The following SETD9 variants were observed in gnomAD, a reference collection of about 807,000 sequenced individuals.
SETD9 encodes the protein SET domain containing 9.
A neutral mutation model predicts 36.4 loss-of-function variants in SETD9; 37 were observed. That is an observed-to-expected ratio of 1.02 (90% confidence interval 0.78 to 1.34). The LOEUF is 1.34. Among genes scored for constraint, SETD9 ranks in the 40% most tolerant of loss-of-function variants. The pLI is 0.00. For missense variants in SETD9, 323 were observed against 353.2 expected (o/e 0.91, Z 0.69); for synonymous variants, 128 against 132.9 (o/e 0.96, Z 0.26).
Position 56,909,687 on chromosome 5 carries a change from C to A in SETD9, c.42C>A (p.Arg14=), listed in dbSNP as rs772953306. Residue 14 remains arginine (R), a synonymous_variant, in exon 1 of 6, where the codon CGC becomes CGA. Transcript: ENST00000285947. ...TGCGGGGCCTGTGGCAGCGATGGCG[C>A]CGTTACAAGTACCGCTTCGTTCCCT... ...RLLRGLWQRW[R]RYKYRFVPWI... is the part of the protein sequence containing the mutation. The A allele has an allele frequency of 3.7e-6, 6 of 1,610,120 alleles. No individual in the cohort carries two copies. In the South Asian group the frequency reaches 6.6e-5, roughly 18 times the overall value.
chr5:56,923,167 G>A, intron 5 of SETD9: 2 of 1,614,008 alleles, frequency 1.2e-6, no homozygotes, highest in South Asian at 2.2e-5. Context: ...GCAGAGCATG[G>A]GCACTGATGA....
downstream of SETD9, chr5:56,928,658 T>TTGGC (rs10684065): frequency 0.71 from 487,673 of 690,504 alleles, 174,733 homozygotes; most frequent in Non-Finnish European, 0.75. Flanking sequence ...TGAAATGCTA[T>TTGGC]AAGGGAACAT....
chr5:56,914,851 T>A lies in SETD9; in HGVS notation c.707-10T>A. On this transcript the variant is annotated splice_polypyrimidine_tract_variant and intron_variant, in intron 4 of 5. Coordinates refer to ENST00000285947, the MANE Select transcript of SETD9 (RefSeq NM_153706.4). ...GGCTCTTTTTCTAAAAATGATGTGC[T>A]TGTTCCTAGACAGAGCAGCTAATGT... 1 of 1,547,192 alleles carries A rather than the reference T, an allele frequency of 6.5e-7. No homozygotes were observed. The highest frequency in any genetic ancestry group is 8.8e-7 in the Non-Finnish European group (1 of 1,137,980).
chr5:56,914,085 CAT>C (rs1749302434), intron 4 of SETD9, 96 bp downstream of exon 4: 12 of 796,016 alleles, frequency 1.5e-5, no homozygotes, highest in Non-Finnish European at 2.5e-5. Flanking sequence ...TTGAGTATAA[CAT>C]ATAATAAGCT....
intron 3 of SETD9, among the ~76,000 whole-genome samples, chr5:56,913,586 G>A (rs7717274): frequency 0.021 from 3,251 of 151,922 alleles, 123 homozygotes; most frequent in African/African-American, 0.075. Context: ...GTTTCACCAT[G>A]TTGGCCAGGC....
At chr5:56,925,533 G>A, downstream of SETD9, 2 of 226,446 alleles carry the variant, frequency 8.8e-6, no homozygotes, top group Admixed American at 5.7e-5. Flanking sequence ...TAAAATACTT[G>A]GGTATAAATA....
chr5:56,922,252 A>C (rs1485881292), downstream of SETD9: 1 of 152,564 alleles, frequency 6.6e-6, no homozygotes, highest in Non-Finnish European at 1.5e-5. Context: ...CCTCAGGATA[A>C]ACTAAATTAT....
At chr5:56,923,433 T>G (rs1367042596) in intron 5 of SETD9, 1 of 1,614,156 alleles carries the variant, frequency 6.2e-7, no homozygotes, top group South Asian at 1.1e-5. Flanking sequence ...AAACAATCAC[T>G]TTCCCCATTG....
chr5:56,927,464 T>C (rs1455538842), downstream of SETD9, among the ~76,000 whole-genome samples: 1 of 152,134 alleles, frequency 6.6e-6, no homozygotes, highest in African/African-American at 2.4e-5. Flanking sequence ...CCAAAATGCT[T>C]CAGAACCCTG....
intron 1 of SETD9, chr5:56,910,323 C>CAGT: frequency 7.7e-7 from 1 of 1,304,276 alleles, no homozygotes; most frequent in Non-Finnish European, 1.0e-6. Context: ...GAATAGCGTG[C>CAGT]AGTAGCTCGC....
At chr5:56,909,576 G>A, upstream of SETD9, 1 of 1,298,926 alleles carries the variant, frequency 7.7e-7, no homozygotes, top group African/African-American at 1.6e-5. Flanking sequence ...TCTCCTCCCG[G>A]GCCGGGGCGG....
chr5:56,913,196 T>G (rs1561219379), intron 3 of SETD9, 62 bp downstream of exon 3: 9 of 1,537,344 alleles, frequency 5.9e-6, no homozygotes, highest in Non-Finnish European at 8.0e-6. Flanking sequence ...CCACAATGAT[T>G]ATGACTAATA....
At chr5:56,923,539 A>G (rs13177917) in intron 5 of SETD9, 2 of 1,614,040 alleles carry the variant, frequency 1.2e-6, no homozygotes, top group African/African-American at 2.7e-5. Flanking sequence ...CATCCAAACA[A>G]TTCACATCTG....
intron 1 of SETD9, 129 bp downstream of exon 1, chr5:56,909,872 G>A: frequency 1.6e-6 from 1 of 637,960 alleles, no homozygotes; most frequent in African/African-American, 2.0e-5. Context: ...CGGGTGGGCA[G>A]GGACTGAGGT....
intron 1 of SETD9, chr5:56,910,320 G>A: frequency 7.7e-7 from 1 of 1,304,272 alleles, no homozygotes; most frequent in Non-Finnish European, 1.0e-6. Context: ...TGAGAATAGC[G>A]TGCAGTAGCT....
At chr5:56,918,564 C>A (rs748791454), downstream of SETD9, among the ~76,000 whole-genome samples, 1 of 152,240 alleles carries the variant, frequency 6.6e-6, no homozygotes, top group Non-Finnish European at 1.5e-5. Flanking sequence ...ATACTCTGAG[C>A]TCTCACATGG....
At position 56,909,930 on chromosome 5, in the gene SETD9, A is replaced by G. The variant is rs548020495; in HGVS notation, c.98+187A>G. ...CTGAGGCCTCGGAGGGGTTTAAGGAACGCGGGCCAGAGGCGGGCGGGGCCG... is the reference window on the plus strand; with the variant it reads ...CTGAGGCCTCGGAGGGGTTTAAGGAGCGCGGGCCAGAGGCGGGCGGGGCCG... On this transcript the variant is annotated intron_variant, in intron 1 of 5. Transcript: ENST00000285947. 2.0e-5 allele frequency: 21 copies of G among 1,054,248 alleles called. No homozygotes were observed. In the East Asian group the frequency reaches 6.2e-4, roughly 31 times the overall value. 65.3% of individuals were successfully genotyped at this position (1,054,248 alleles called of 1,614,324 possible).
chr5:56,924,567 C>A (rs981570895), intron 5 of SETD9, among the ~76,000 whole-genome samples: 17 of 152,200 alleles, frequency 1.1e-4, no homozygotes, highest in African/African-American at 3.9e-4. Flanking sequence ...GGCAAATGGA[C>A]CAACGGTCTA....
chr5:56,916,870 CT>C lies in SETD9; in HGVS notation c.874del (p.Ser292GlnfsTer23). On this transcript the variant is annotated frameshift_variant, in exon 6 of 6. Coordinates refer to ENST00000285947, the MANE Select transcript of SETD9 (RefSeq NM_153706.4). LOFTEE classifies it high-confidence loss of function. ...ALRDINQGEE[L>X]FSNYYTIVS ...TAGGGACATCAATCAAGGAGAAGAG[CT>C]TTTTTCAAACTACTACACAATTGTC... The C allele has an allele frequency of 6.2e-7, 1 of 1,607,438 alleles. No homozygotes were observed. Among genetic ancestry groups the C allele is most frequent in the Non-Finnish European group, 8.5e-7 (1 of 1,177,634 alleles).
Sources: allele counts gnomAD v4.1 joint callset (sites outside exome capture counted in the v4.1 genomes callset), GRCh38; gene constraint gnomAD v4.1.1; transcripts MANE v1.5; gene names NCBI Gene and HGNC (gene_info 2026-07-23, HGNC 2026-07-21).